Variants in PAIP2B observed in about 807,000 individuals in gnomAD.
PAIP2B encodes the protein poly(A) binding protein interacting protein 2B.
In PAIP2B, 13 loss-of-function variants were observed where a neutral mutation model predicts 17.0. That is an observed-to-expected ratio of 0.76 (90% CI 0.50 to 1.22). The LOEUF is 1.22. PAIP2B is among the 50% of genes most tolerant of loss of function. The pLI is 0.00. For synonymous variants in PAIP2B, 43 were observed against 48.7 expected (o/e 0.88, Z 0.48); for missense variants, 117 against 144.5 (o/e 0.81, Z 0.98).
At chr2:71,213,085 A>G (rs1675341971) in intron 1 of PAIP2B, among the ~76,000 whole-genome samples, 2 of 152,140 alleles carry the variant, frequency 1.3e-5, no homozygotes, top group African/African-American at 4.8e-5. Context: ...TCTAATCTAG[A>G]AAATTTTGTG....
chr2:71,188,339 G>A lies in PAIP2B; in HGVS notation c.*140C>T, dbSNP rs1324755020. The A allele has an allele frequency of 2.6e-5, 17 of 663,680 alleles. No homozygotes were observed. The highest frequency in any genetic ancestry group is 4.5e-5 in the Non-Finnish European group (17 of 375,188). The allele number at this position is 663,680 out of a possible 1,614,324, so 41.1% of individuals were successfully genotyped here. On this transcript the variant is annotated 3_prime_UTR_variant, in exon 4 of 4. Coordinates refer to ENST00000244221, the MANE Select transcript of PAIP2B (RefSeq NM_020459.1). ...AGACTGAGCATATTAGTTACTCAGAGTCACAGTATTGTGAGACCACCACTC... is the reference window on the plus strand; with the variant it reads ...AGACTGAGCATATTAGTTACTCAGAATCACAGTATTGTGAGACCACCACTC...
chr2:71,225,593 C>A (rs1675700245), intron 1 of PAIP2B, among the ~76,000 whole-genome samples: 1 of 152,200 alleles, frequency 6.6e-6, no homozygotes, highest in African/African-American at 2.4e-5. Context: ...ATCAGTCTTA[C>A]CCCAACACTT....
intron 2 of PAIP2B, among the ~76,000 whole-genome samples, chr2:71,198,098 C>A (rs1379900914): frequency 1.3e-5 from 2 of 152,056 alleles, no homozygotes; most frequent in Non-Finnish European, 2.9e-5. Context: ...CCTTTCTATT[C>A]TTCTTGCTTT....
At chr2:71,225,267 A>T (rs1160030766) in intron 1 of PAIP2B, among the ~76,000 whole-genome samples, 2 of 152,194 alleles carry the variant, frequency 1.3e-5, no homozygotes, top group East Asian at 3.8e-4. Context: ...GATTTCTTTT[A>T]ATTCACTATA....
chr2:71,188,559 T>G, intron 3 of PAIP2B, 24 bp from the exon 4 acceptor site: 1 of 1,586,674 alleles, frequency 6.3e-7, no homozygotes, highest in South Asian at 1.1e-5. Flanking sequence ...CAAGAGATAG[T>G]AAATCCTAAG....
intron 1 of PAIP2B, among the ~76,000 whole-genome samples, chr2:71,223,355 G>A (rs1173756521): frequency 6.6e-6 from 1 of 151,968 alleles, no homozygotes; most frequent in Non-Finnish European, 1.5e-5. Context: ...AGGTTGCAGT[G>A]AGCTGAAATC....
intron 1 of PAIP2B, among the ~76,000 whole-genome samples, chr2:71,205,992 G>A (rs1675115609): frequency 6.6e-6 from 1 of 152,196 alleles, no homozygotes; most frequent in South Asian, 2.1e-4. Context: ...CAGATTGACT[G>A]CAACTTTGTA....
At chr2:71,224,795 TAAG>T (rs1011634132) in intron 1 of PAIP2B, among the ~76,000 whole-genome samples, 2 of 152,230 alleles carry the variant, frequency 1.3e-5, no homozygotes, top group African/African-American at 4.8e-5. Flanking sequence ...TCAAGGTCTC[TAAG>T]AAGAAATCAT....
At chr2:71,210,820 G>A (rs1198491023) in intron 1 of PAIP2B, among the ~76,000 whole-genome samples, 1 of 152,096 alleles carries the variant, frequency 6.6e-6, no homozygotes, top group East Asian at 1.9e-4. Flanking sequence ...CCCCACTGAG[G>A]AAATGGAATC....
chr2:71,192,210 T>C (rs1674702858), intron 2 of PAIP2B, among the ~76,000 whole-genome samples: 1 of 151,710 alleles, frequency 6.6e-6, no homozygotes, highest in South Asian at 2.1e-4. Flanking sequence ...AAATATTATA[T>C]ATGGGCACAC....
intron 1 of PAIP2B, among the ~76,000 whole-genome samples, chr2:71,215,879 T>C (rs1675419727): frequency 6.6e-6 from 1 of 152,222 alleles, no homozygotes; most frequent in Non-Finnish European, 1.5e-5. Context: ...ATCTATGTGT[T>C]CCTTTGAAGC....
chr2:71,215,538 T>C (rs1448030325), intron 1 of PAIP2B, among the ~76,000 whole-genome samples: 4 of 152,222 alleles, frequency 2.6e-5, no homozygotes, highest in African/African-American at 9.6e-5. Context: ...AACAGGAATG[T>C]TTCCAAGTAA....
chr2:71,202,524 A>G lies in PAIP2B; in HGVS notation c.66T>C (p.Ser22=). ...ATGGGTTTTCCTTTTCATCGTGCCC[A>G]CTTAACCCCTGGTCCTCTTTGGATT... ...SVKSKEDQGL[S]GHDEKENPFA... The change falls in exon 2 of 4, where the codon AGT becomes AGC. Residue 22 remains serine, a synonymous_variant. Coordinates refer to ENST00000244221, the MANE Select transcript of PAIP2B (RefSeq NM_020459.1). 1 of 1,613,794 alleles carries G rather than the reference A, an allele frequency of 6.2e-7. No homozygotes were observed. The highest frequency in any genetic ancestry group is 8.5e-7 in the Non-Finnish European group (1 of 1,179,762).
intron 2 of PAIP2B, among the ~76,000 whole-genome samples, chr2:71,194,078 T>C (rs755201977): frequency 2.6e-5 from 4 of 152,190 alleles, no homozygotes; most frequent in Non-Finnish European, 5.9e-5. Context: ...CTGGTTTATG[T>C]GCCTGCTTTT....
intron 2 of PAIP2B, among the ~76,000 whole-genome samples, chr2:71,196,256 C>T (rs778823233): frequency 3.3e-5 from 5 of 152,156 alleles, no homozygotes; most frequent in Non-Finnish European, 5.9e-5. Flanking sequence ...ATTTCTGCCT[C>T]AATTTCATTA....
chr2:71,224,855 T>C (rs948615886), intron 1 of PAIP2B, among the ~76,000 whole-genome samples: 2 of 152,130 alleles, frequency 1.3e-5, no homozygotes, highest in African/African-American at 4.8e-5. Flanking sequence ...TAAACACAAA[T>C]ACTCCCAAAA....
intron 1 of PAIP2B, among the ~76,000 whole-genome samples, chr2:71,211,514 G>A (rs1675298281): frequency 6.7e-6 from 1 of 149,506 alleles, no homozygotes; most frequent in Non-Finnish European, 1.5e-5. Flanking sequence ...CCTCTACCTG[G>A]AATAGTCCAA....
rs1050035911 is a variant in PAIP2B at position 71,183,889 on chromosome 2, C to T, written c.*4590G>A. ...AAGTTACTAAAATCACTGAAATGTA[C>T]ACTTGAAATGGGTGTTTTATGATAT... On this transcript the variant is annotated 3_prime_UTR_variant, in exon 4 of 4. Coordinates refer to ENST00000244221, the MANE Select transcript of PAIP2B (RefSeq NM_020459.1). The T allele has an allele frequency of 2.0e-5, 3 of 152,176 alleles. No homozygotes were observed. Among genetic ancestry groups the T allele is most frequent in the African/African-American group, 7.2e-5 (3 of 41,428 alleles). The allele number at this position is 152,176 out of a possible 1,614,324, so 9.4% of individuals were successfully genotyped here.
chr2:71,207,044 C>T (rs1675149872), intron 1 of PAIP2B, among the ~76,000 whole-genome samples: 1 of 152,170 alleles, frequency 6.6e-6, no homozygotes, highest in Non-Finnish European at 1.5e-5. Flanking sequence ...ACCCTCTGTG[C>T]TGAGGCACTG....
Sources: gnomAD v4.1 joint callset for allele counts (sites outside exome capture counted in the v4.1 genomes callset) on GRCh38, gnomAD v4.1.1 for gene constraint, MANE v1.5 for transcripts, NCBI Gene and HGNC (gene_info 2026-07-23, HGNC 2026-07-21) for gene names.